The following DNAH5 variants were observed in gnomAD, a reference collection of about 807,000 sequenced individuals.
DNAH5 encodes the protein dynein axonemal heavy chain 5.
In DNAH5, 372 loss-of-function variants were observed where a neutral mutation model predicts 518.2. The observed-to-expected ratio is 0.72, with a 90% CI of 0.66 to 0.78. The LOEUF is 0.78. Ranked by LOEUF, DNAH5 falls within the 30% of genes least tolerant of loss-of-function variation. The pLI is 0.00. For synonymous variants in DNAH5, 2,039 were observed against 2,025.9 expected, an observed-to-expected ratio of 1.01 and a Z score of -0.17; for missense variants, 5,523 against 5,687.0, an observed-to-expected ratio of 0.97 and a Z score of 0.93.
intron 21 of DNAH5, among the ~76,000 whole-genome samples, chr5:13,877,702 A>T (rs2151930613): frequency 6.6e-6 from 1 of 152,312 alleles, no homozygotes; most frequent in East Asian, 1.9e-4. Flanking sequence ...TTGGGAAAGG[A>T]ATCTGCAACA....
chr5:13,797,312 G>A (rs148160224), intron 47 of DNAH5, among the ~76,000 whole-genome samples: 25,972 of 151,928 alleles, frequency 0.17, 2,277 homozygotes, highest in Admixed American at 0.21. Flanking sequence ...TCTGAAAAAG[G>A]GCTAATATCC....
intron 50 of DNAH5, among the ~76,000 whole-genome samples, chr5:13,791,566 T>C (rs1216961281): frequency 1.3e-5 from 2 of 152,226 alleles, no homozygotes; most frequent in Non-Finnish European, 2.9e-5. Context: ...AAAATGGGTT[T>C]TTTAATTTTG....
Position 13,914,756 on chromosome 5 carries a change from G to C in DNAH5, c.1198-114C>G. On this transcript the variant is annotated intron_variant, in intron 9 of 78. Transcript: ENST00000265104. The stretch of plus-strand genomic sequence containing the variant: ...CAGAGTTCACAATCTTCTAACTTGA[G>C]CTTGGGTTTATTTTTTTTCCATCAC... 10 of 1,084,214 alleles carry C rather than the reference G, an allele frequency of 9.2e-6. No individual in the cohort carries two copies. In the South Asian group the frequency reaches 1.4e-4, roughly 16 times the overall value. 67.2% of individuals were successfully genotyped at this position (1,084,214 alleles called of 1,614,324 possible). A position where few individuals can be genotyped will look rare whatever the true frequency, so the allele number is the denominator to read the frequency against.
At chr5:13,854,392 C>A (rs1202778742) in intron 30 of DNAH5, among the ~76,000 whole-genome samples, 1 of 152,182 alleles carries the variant, frequency 6.6e-6, no homozygotes, top group Non-Finnish European at 1.5e-5. Flanking sequence ...AAAGGAAAAA[C>A]CAGAACCAGC....
In DNAH5 at chr5:13,859,513, T is replaced by A. The variant is rs1456549872; in HGVS notation, c.4889A>T (p.Asn1630Ile). Residue 1630 changes from asparagine (N) to isoleucine (I), a missense_variant, in exon 30 of 79, where the codon AAC becomes ATC. Coordinates refer to ENST00000265104, the MANE Select transcript of DNAH5 (RefSeq NM_001369.3). ...GACAGCTTCTAAATAAATCCACAGG[T>A]TTTGCACCGTCATCCAGCTCTCGAT... ...DIIESWMTVQ[N>I]LWIYLEAVFV... 9.3e-6 allele frequency: 15 copies of A among 1,614,010 alleles called. No homozygotes were observed. The highest frequency in any genetic ancestry group is 1.3e-5 in the Non-Finnish European group (15 of 1,179,962).
At position 13,882,908 on chromosome 5, in the gene DNAH5, G is replaced by T; in HGVS notation, c.3170C>A (p.Ser1057Tyr). ...GVRQWSSELL[S>Y]KKKIQERKMA... ...ATTTCTGCACCCCATACCCACCTTG[G>T]ACAACAGTTCACTGCTCCACTGTCT... Residue 1057 changes from serine (S) to tyrosine (Y), a missense_variant, in exon 20 of 79, where the codon TCC (serine) becomes TAC (tyrosine). Physicochemically the swap from Ser to Tyr is moderately radical, Grantham distance 144. Around this residue, in one of 3 missense-constraint regions of DNAH5, gnomAD observed 5,121 missense variants for 5,223.3 expected, o/e 0.98. Coordinates refer to ENST00000265104, the MANE Select transcript of DNAH5 (RefSeq NM_001369.3). 6.2e-7 allele frequency: 1 copy of T among 1,614,058 alleles called. No homozygotes were observed. The highest frequency in any genetic ancestry group is 8.5e-7 in the Non-Finnish European group (1 of 1,179,988).
intron 74 of DNAH5, among the ~76,000 whole-genome samples, chr5:13,716,003 C>T (rs1744235209): frequency 6.6e-6 from 1 of 152,210 alleles, no homozygotes; most frequent in Non-Finnish European, 1.5e-5. Flanking sequence ...AGAGGAGGTT[C>T]TTACACAAAG....
chr5:13,766,203 C>T (rs753982105), intron 58 of DNAH5, 24 bp from the exon 59 acceptor site: 4 of 1,613,280 alleles, frequency 2.5e-6, no homozygotes, highest in South Asian at 1.1e-5. Context: ...GGAACGATCA[C>T]CCAACCACAG....
At chr5:13,723,788 G>A (rs1745368587) in intron 70 of DNAH5, among the ~76,000 whole-genome samples, 1 of 152,150 alleles carries the variant, frequency 6.6e-6, no homozygotes. Context: ...CACCAGCTGA[G>A]CATAAACAGA....
chr5:13,824,611 T>C (rs749655774), intron 38 of DNAH5, among the ~76,000 whole-genome samples: 9 of 152,220 alleles, frequency 5.9e-5, no homozygotes, highest in Non-Finnish European at 1.0e-4. Flanking sequence ...AAATTTCTTC[T>C]TGGAATACAG....
Position 13,811,822 on chromosome 5 carries a change from C to A in DNAH5, c.7232G>T (p.Gly2411Val). The change falls in exon 44 of 79, where the codon GGT becomes GTT. Residue 2411 changes from glycine to valine, a missense_variant and splice_region_variant. Physicochemically the swap from Gly to Val is moderately radical, Grantham distance 109. This residue lies in a region of DNAH5 where 5,121 missense variants were observed against 5,223.3 expected (regional missense o/e 0.98). Coordinates refer to ENST00000265104, the MANE Select transcript of DNAH5 (RefSeq NM_001369.3). ...SILDWSPILE[G>V]FLKKRSPQEA... is the part of the protein sequence containing the mutation. Reference sequence around the variant, plus strand: ...TTGAGGTGAGCGTTTCTTAAGAAAACCCTGTCAGTTCACAGACAAGTGTAT... The same window carrying A: ...TTGAGGTGAGCGTTTCTTAAGAAAAACCTGTCAGTTCACAGACAAGTGTAT... 6.2e-7 allele frequency: 1 copy of A among 1,614,074 alleles called. No homozygotes were observed. The highest frequency in any genetic ancestry group is 8.5e-7 in the Non-Finnish European group (1 of 1,179,990).
At chr5:13,860,642 G>A (rs950969304) in intron 29 of DNAH5, 7 of 152,158 alleles carry the variant, frequency 4.6e-5, no homozygotes, top group Admixed American at 2.0e-4. Flanking sequence ...ACCAAGCTTG[G>A]GTCCCTGATG....
chr5:13,885,559 T>C (rs942881752), intron 18 of DNAH5, among the ~76,000 whole-genome samples: 1 of 152,124 alleles, frequency 6.6e-6, no homozygotes, highest in Non-Finnish European at 1.5e-5. Context: ...CCCTAAAACT[T>C]TGGGGGGATA....
intron 60 of DNAH5, among the ~76,000 whole-genome samples, chr5:13,762,347 G>C (rs1474930217): frequency 6.7e-6 from 1 of 149,422 alleles, no homozygotes. Context: ...TCACTCATAG[G>C]ATTCTCTGGA....
At position 13,727,606 on chromosome 5, in the gene DNAH5, C is replaced by T. The variant is rs370543923; in HGVS notation, c.11934G>A (p.Pro3978=). ...MWKIWFDKEN[P]EEEPLPNAYD... ...AGGCATTTGGAAGAGGTTCCTCCTCCGGGTTTTCCTTATCAAACCAAATTT... is the reference window on the plus strand; with the variant it reads ...AGGCATTTGGAAGAGGTTCCTCCTCTGGGTTTTCCTTATCAAACCAAATTT... Residue 3978 remains proline, a synonymous_variant, in exon 70 of 79, where the codon CCG becomes CCA. Transcript: ENST00000265104. 122 of 1,613,682 alleles carry T rather than the reference C, an allele frequency of 7.6e-5. No individual in the cohort carries two copies. Among genetic ancestry groups the T allele is most frequent in the Middle Eastern group, 4.9e-4 (3 of 6,078 alleles).
intron 1 of DNAH5, among the ~76,000 whole-genome samples, chr5:13,951,121 T>C (rs1468283117): frequency 1.3e-5 from 2 of 151,956 alleles, no homozygotes; most frequent in Admixed American, 6.6e-5. Flanking sequence ...ACTGGCATTC[T>C]AGGGCACCAA....
intron 2 of DNAH5, among the ~76,000 whole-genome samples, chr5:13,930,290 T>C (rs1020816946): frequency 3.3e-5 from 5 of 152,094 alleles, no homozygotes; most frequent in African/African-American, 1.2e-4. Flanking sequence ...AACATGATGA[T>C]AGTAGTTTGG....
chr5:13,692,123 G>A lies in DNAH5; in HGVS notation c.13736C>T (p.Pro4579Leu), dbSNP rs774527322. ...IYAENNTLRD[P>L]RFYSCPIYKK... ...ATAGATGGGACAGGAGTAAAACCGAGGATCTCGTAAAGCTACAAAAAACAT... is the reference window on the plus strand; with the variant it reads ...ATAGATGGGACAGGAGTAAAACCGAAGATCTCGTAAAGCTACAAAAAACAT... The change falls in exon 79 of 79, where the codon CCT (proline) becomes CTT (leucine). Residue 4579 changes from proline (P) to leucine (L), a missense_variant. This residue lies in a region of DNAH5 where 387 missense variants were observed against 430.0 expected (regional missense o/e 0.90). Coordinates refer to ENST00000265104, the MANE Select transcript of DNAH5 (RefSeq NM_001369.3). 5 of 1,613,980 alleles carry A rather than the reference G, an allele frequency of 3.1e-6. No homozygotes were observed. The highest frequency in any genetic ancestry group is 1.1e-5 in the South Asian group (1 of 91,074).
chr5:13,874,009 G>A (rs1368141247), intron 22 of DNAH5, among the ~76,000 whole-genome samples: 1 of 152,126 alleles, frequency 6.6e-6, no homozygotes, highest in African/African-American at 2.4e-5. Flanking sequence ...AAACCAAGAA[G>A]CAGTTCCACT....
Sources: gnomAD v4.1 joint callset for allele counts (sites outside exome capture counted in the v4.1 genomes callset) on GRCh38, gnomAD v4.1.1 for gene constraint, gnomAD v4.1.1 regional missense constraint, MANE v1.5 for transcripts, NCBI Gene and HGNC (gene_info 2026-07-23, HGNC 2026-07-21) for gene names.